The following CDH13 variants were observed in gnomAD, a reference collection of about 807,000 sequenced individuals.
CDH13 encodes the protein cadherin 13.
In CDH13, 24 loss-of-function variants were observed where a neutral mutation model predicts 63.8. The ratio of observed to expected loss-of-function variants is 0.38; its 90% confidence interval spans 0.27 to 0.53. CDH13 has a LOEUF of 0.53. CDH13 is among the 20% of genes least tolerant of loss of function. The probability of loss-of-function intolerance (pLI) is 0.85; values close to 1 mark genes in which losing one functional copy is unlikely to be tolerated. For synonymous variants in CDH13, 503 were observed against 355.3 expected (o/e 1.42, Z -4.67); for missense variants, 1,049 against 903.1 (o/e 1.16, Z -2.07).
chr16:82,648,503 T>C (rs185975011), intron 1 of CDH13, among the ~76,000 whole-genome samples: 303 of 152,204 alleles, frequency 2.0e-3, no homozygotes, highest in African/African-American at 6.9e-3. Context: ...ATGATGATAA[T>C]GGCATGGAAA....
intron 2 of CDH13, among the ~76,000 whole-genome samples, chr16:82,913,700 G>T (rs2041905178): frequency 6.6e-6 from 1 of 152,054 alleles, no homozygotes; most frequent in African/African-American, 2.4e-5. Flanking sequence ...GGACCACTGA[G>T]GTTTGTCTGC....
chr16:83,313,988 C>T (rs1042153155), intron 5 of CDH13, among the ~76,000 whole-genome samples: 2 of 152,158 alleles, frequency 1.3e-5, no homozygotes, highest in Admixed American at 1.3e-4. Context: ...TATTTTCCAG[C>T]ACACAAATCC....
At chr16:83,276,671 C>A (rs1321772299) in intron 5 of CDH13, among the ~76,000 whole-genome samples, 1 of 152,022 alleles carries the variant, frequency 6.6e-6, no homozygotes, top group Non-Finnish European at 1.5e-5. Context: ...GAGATCGAGA[C>A]CATCCTGGCT....
intron 7 of CDH13, among the ~76,000 whole-genome samples, chr16:83,503,597 C>T (rs1364624168): frequency 2.0e-5 from 3 of 152,064 alleles, no homozygotes; most frequent in African/African-American, 7.2e-5. Context: ...GGCAGGGAGG[C>T]TCCTAGCCCA....
intron 5 of CDH13, among the ~76,000 whole-genome samples, chr16:83,322,887 A>T (rs956512105): frequency 6.6e-6 from 1 of 152,084 alleles, no homozygotes; most frequent in African/African-American, 2.4e-5. Context: ...TTTTTTAGAG[A>T]AGGATGACAC....
intron 1 of CDH13, among the ~76,000 whole-genome samples, chr16:82,771,402 A>C (rs370374061): frequency 6.6e-6 from 1 of 152,210 alleles, no homozygotes; most frequent in South Asian, 2.1e-4. Flanking sequence ...CATTGGACCC[A>C]ATATGACTGG....
chr16:83,284,755 T>C (rs1441340562), intron 5 of CDH13, among the ~76,000 whole-genome samples: 2 of 152,066 alleles, frequency 1.3e-5, no homozygotes, highest in Non-Finnish European at 2.9e-5. Flanking sequence ...TAATAAATGA[T>C]AGATATAAAA....
chr16:82,737,136 G>A (rs2033713277), intron 1 of CDH13, among the ~76,000 whole-genome samples: 5 of 152,208 alleles, frequency 3.3e-5, no homozygotes, highest in Admixed American at 2.6e-4. Context: ...GAACCCTCTA[G>A]AACAATTTCA....
intron 1 of CDH13, among the ~76,000 whole-genome samples, chr16:82,764,203 C>G (rs996012142): frequency 2.0e-5 from 3 of 152,170 alleles, no homozygotes; most frequent in African/African-American, 7.2e-5. Context: ...CATTTACAGA[C>G]AAGTACACAG....
chr16:83,385,794 A>C lies in CDH13; in HGVS notation c.781+40788A>C, dbSNP rs910775434. ...CCAAATGGAATCTTTGGTGAATTCTAAAGATTCCCGGCATGTCCCACTATC... is the reference window on the plus strand; with the variant it reads ...CCAAATGGAATCTTTGGTGAATTCTCAAGATTCCCGGCATGTCCCACTATC... On this transcript the variant is annotated intron_variant, in intron 6 of 13. Coordinates refer to ENST00000567109, the MANE Select transcript of CDH13 (RefSeq NM_001257.5). Among the ~76,000 whole-genome samples, 4 of 152,274 alleles carry C rather than the reference A, an allele frequency of 2.6e-5. No individual in the cohort carries two copies. The East Asian group carries it at 7.7e-4, about 29-fold the overall frequency.
At chr16:83,025,814 C>A (rs1237772452) in intron 2 of CDH13, among the ~76,000 whole-genome samples, 2 of 152,146 alleles carry the variant, frequency 1.3e-5, no homozygotes, top group African/African-American at 4.8e-5. Context: ...AGACCTGGCA[C>A]CTTGACAAAG....
intron 1 of CDH13, among the ~76,000 whole-genome samples, chr16:82,741,233 G>A (rs184449407): frequency 1.9e-3 from 290 of 152,306 alleles, no homozygotes; most frequent in African/African-American, 6.8e-3. Context: ...AACCTTCACA[G>A]TGTGTGGTTT....
At chr16:82,680,670 T>C (rs905743242) in intron 1 of CDH13, among the ~76,000 whole-genome samples, 4 of 152,176 alleles carry the variant, frequency 2.6e-5, no homozygotes, top group Non-Finnish European at 5.9e-5. Context: ...TGGAATAATA[T>C]GAATGACATT....
At chr16:82,933,345 G>A (rs184774321) in intron 2 of CDH13, among the ~76,000 whole-genome samples, 1 of 152,234 alleles carries the variant, frequency 6.6e-6, no homozygotes, top group South Asian at 2.1e-4. Context: ...ATCAGATTTT[G>A]GGAGAACTCA....
At chr16:82,722,093 T>C in intron 1 of CDH13, among the ~76,000 whole-genome samples, 1 of 152,208 alleles carries the variant, frequency 6.6e-6, no homozygotes, top group Admixed American at 6.5e-5. Context: ...CAACAGAGTA[T>C]AGAATAAACT....
chr16:82,765,429 C>T (rs1270340716), intron 1 of CDH13, among the ~76,000 whole-genome samples: 2 of 152,126 alleles, frequency 1.3e-5, no homozygotes, highest in East Asian at 3.9e-4. Context: ...TGATTCCCTA[C>T]TCCTTCTATT....
At chr16:83,696,153 A>C (rs1419585174) in intron 10 of CDH13, among the ~76,000 whole-genome samples, 2 of 152,158 alleles carry the variant, frequency 1.3e-5, no homozygotes, top group African/African-American at 4.8e-5. Context: ...TGCCTCCCAC[A>C]GTGCTGGGAT....
At chr16:83,232,415 C>G (rs2040024857) in intron 5 of CDH13, among the ~76,000 whole-genome samples, 1 of 151,756 alleles carries the variant, frequency 6.6e-6, no homozygotes, top group South Asian at 2.1e-4. Context: ...ATCCCAGCTA[C>G]TAGGGAGGCT....
chr16:82,809,179 C>T (rs1441456166), intron 1 of CDH13, among the ~76,000 whole-genome samples: 36 of 152,092 alleles, frequency 2.4e-4, no homozygotes. Context: ...ATGAAAATAT[C>T]TGTTTCCTCA....
Sources: allele counts gnomAD v4.1 joint callset (sites outside exome capture counted in the v4.1 genomes callset), GRCh38; gene constraint gnomAD v4.1.1; transcripts MANE v1.5; gene names NCBI Gene and HGNC (gene_info 2026-07-23, HGNC 2026-07-21).